C13orf42: variants seen among roughly 807,000 people sequenced by gnomAD.
The protein encoded by C13orf42 is uncharacterized protein C13orf42.
chr13:51,168,962 G>A (rs558364820), intron 1 of C13orf42, among the ~76,000 whole-genome samples: 3 of 152,252 alleles, frequency 2.0e-5, no homozygotes, highest in Non-Finnish European at 4.4e-5. Flanking sequence ...CACCAGCCAT[G>A]TTTCCTGTAC....
intron 1 of C13orf42, among the ~76,000 whole-genome samples, chr13:51,139,155 A>G (rs1382098058): frequency 6.6e-6 from 1 of 152,102 alleles, no homozygotes; most frequent in Non-Finnish European, 1.5e-5. Context: ...CGTCTCTACT[A>G]AAAACACAAA....
Position 51,152,936 on chromosome 13 carries a change from C to T in C13orf42, n.136+19317G>A, listed in dbSNP as rs1308836559. Among the ~76,000 whole-genome samples the T allele has an allele frequency of 3.3e-5, 5 of 152,092 alleles. No individual in the cohort carries two copies. In the East Asian group the frequency reaches 9.7e-4, roughly 29 times the overall value. On this transcript the variant is annotated intron_variant and non_coding_transcript_variant, in intron 1 of 4. Transcript: ENST00000433280. ...CAGAGCTGCGTCATGTTCGCGGGCA[C>T]CCTGGGGACACCTGCTGCGGGGTTG...
At chr13:51,122,588 A>G (rs755180902) in intron 1 of C13orf42, among the ~76,000 whole-genome samples, 2 of 152,108 alleles carry the variant, frequency 1.3e-5, no homozygotes, top group African/African-American at 2.4e-5. Context: ...AGAGAAAAGA[A>G]AGCACTTATA....
chr13:51,086,089 T>C (rs979732771), intron 2 of C13orf42, among the ~76,000 whole-genome samples: 2 of 151,360 alleles, frequency 1.3e-5, no homozygotes, highest in Non-Finnish European at 2.9e-5. Context: ...TGTGGATCAC[T>C]AGGTAAGGAG....
At chr13:51,158,506 T>C (rs902650461) in intron 1 of C13orf42, among the ~76,000 whole-genome samples, 1 of 152,258 alleles carries the variant, frequency 6.6e-6, no homozygotes, top group African/African-American at 2.4e-5. Flanking sequence ...GAGCTGCCAG[T>C]AGCAATGATG....
At chr13:51,170,118 C>T (rs188719475) in intron 1 of C13orf42, among the ~76,000 whole-genome samples, 89 of 152,238 alleles carry the variant, frequency 5.8e-4, no homozygotes, top group Non-Finnish European at 1.0e-3. Context: ...CTTGCGATCC[C>T]CACTCCTACC....
At chr13:51,137,451 G>C (rs1463970761) in intron 1 of C13orf42, among the ~76,000 whole-genome samples, 1 of 152,098 alleles carries the variant, frequency 6.6e-6, no homozygotes, top group Non-Finnish European at 1.5e-5. Flanking sequence ...GACTGCCCCA[G>C]TCTATGCTGT....
chr13:51,156,656 G>A (rs981586008), intron 1 of C13orf42, among the ~76,000 whole-genome samples: 5 of 152,174 alleles, frequency 3.3e-5, no homozygotes, highest in African/African-American at 1.2e-4. Flanking sequence ...TACCATATAA[G>A]ATTATTGTAA....
intron 1 of C13orf42, among the ~76,000 whole-genome samples, chr13:51,149,311 T>C (rs537990674): frequency 2.2e-3 from 204 of 91,912 alleles, no homozygotes; most frequent in Non-Finnish European, 4.4e-3. Flanking sequence ...AGGCTGAAAT[T>C]GAAAAAAAAA....
intron 1 of C13orf42, among the ~76,000 whole-genome samples, chr13:51,129,895 G>A (rs1953603523): frequency 6.6e-6 from 1 of 152,140 alleles, no homozygotes; most frequent in Non-Finnish European, 1.5e-5. Context: ...AAAATAAACT[G>A]GATGGGGTTT....
chr13:51,153,011 T>G (rs1397143810), intron 1 of C13orf42, among the ~76,000 whole-genome samples: 1 of 152,208 alleles, frequency 6.6e-6, no homozygotes, highest in Non-Finnish European at 1.5e-5. Context: ...TCTTGGGGAC[T>G]GTATACAGTG....
At chr13:51,103,767 TA>T (rs1953318593) in intron 1 of C13orf42, among the ~76,000 whole-genome samples, 1 of 152,152 alleles carries the variant, frequency 6.6e-6, no homozygotes, top group African/African-American at 2.4e-5. Flanking sequence ...GACGTTGTGC[TA>T]AGTGCCATAA....
At chr13:51,122,643 A>C (rs12184541) in intron 1 of C13orf42, among the ~76,000 whole-genome samples, 68,492 of 151,900 alleles carry the variant, frequency 0.45, 15,965 homozygotes, top group South Asian at 0.62. Flanking sequence ...ATAAAGTGCT[A>C]GCTCAGCTGT....
upstream of C13orf42, among the ~76,000 whole-genome samples, chr13:51,114,651 T>TAGAGAGAGATAGAC (rs1555266732): frequency 2.3e-4 from 33 of 142,484 alleles, no homozygotes; most frequent in African/African-American, 7.7e-4. Context: ...TAGATAGAGA[T>TAGAGAGAGATAGAC]AGACAGACAG....
chr13:51,114,561 T>G (rs1432528743), upstream of C13orf42, among the ~76,000 whole-genome samples: 2 of 152,162 alleles, frequency 1.3e-5, no homozygotes, highest in Non-Finnish European at 2.9e-5. Context: ...TCACTTGTGG[T>G]GAGTGGCAGA....
Position 51,137,966 on chromosome 13 carries a change from C to A in C13orf42, n.137-24744G>T, listed in dbSNP as rs1445392610. Among the ~76,000 whole-genome samples the A allele has an allele frequency of 5.6e-4, 86 of 152,314 alleles. No individual in the cohort carries two copies. In the Middle Eastern group the frequency reaches 0.014, roughly 24 times the overall value. On this transcript the variant is annotated intron_variant and non_coding_transcript_variant, in intron 1 of 4. Coordinates refer to the C13orf42 transcript ENST00000433280. The stretch of plus-strand genomic sequence containing the variant: ...TACTGTCTACCATTCTTCAGCTTCT[C>A]TCTAAGTGGCTACATGGTGTTCTAT...
chr13:51,114,661 GAC>G (rs1284260892), upstream of C13orf42, among the ~76,000 whole-genome samples: 18,623 of 100,948 alleles, frequency 0.18, 1,478 homozygotes, highest in Non-Finnish European at 0.23. Context: ...TAGACAGACA[GAC>G]AGACAGACAG....
chr13:51,132,912 G>A (rs1953629138), intron 1 of C13orf42, among the ~76,000 whole-genome samples: 1 of 152,164 alleles, frequency 6.6e-6, no homozygotes, highest in African/African-American at 2.4e-5. Context: ...CCAAAACCAA[G>A]ATGATGATGA....
chr13:51,095,725 C>T (rs1016736391), intron 1 of C13orf42, among the ~76,000 whole-genome samples: 1 of 152,076 alleles, frequency 6.6e-6, no homozygotes, highest in Admixed American at 6.6e-5. Flanking sequence ...TGGTTTCCAT[C>T]TTTCTGCTGG....
Sources: gnomAD v4.1 joint callset for allele counts (sites outside exome capture counted in the v4.1 genomes callset) on GRCh38, gnomAD v4.1.1 for gene constraint, MANE v1.5 for transcripts, NCBI Gene and HGNC (gene_info 2026-07-23, HGNC 2026-07-21) for gene names.